Variants in NLRP11 observed in about 807,000 individuals in gnomAD.
NLRP11 encodes NLR family pyrin domain containing 11.
In NLRP11, 53 loss-of-function variants were observed where a neutral mutation model predicts 79.3. The ratio of observed to expected loss-of-function variants is 0.67; its 90% CI spans 0.54 to 0.84. NLRP11 has a LOEUF of 0.84. Among genes scored for constraint, NLRP11 ranks in the 40% least tolerant of loss-of-function variants. The probability of loss-of-function intolerance (pLI) is 0.00; values close to 1 mark genes in which losing one functional copy is unlikely to be tolerated. For missense variants in NLRP11, 1,264 were observed against 1,255.0 expected, an observed-to-expected ratio of 1.01 and a Z score of -0.11; for synonymous variants, 518 against 462.6, an observed-to-expected ratio of 1.12 and a Z score of -1.54.
In NLRP11 at chr19:55,789,133, T is replaced by C. The variant is rs1327571366; in HGVS notation, c.2684+96A>G. ...TCCCATTTCAAACACTAGACTATTATGTCCGAGGTATTGTATTTCCCAATC... is the reference window on the plus strand; with the variant it reads ...TCCCATTTCAAACACTAGACTATTACGTCCGAGGTATTGTATTTCCCAATC... On this transcript the variant is annotated intron_variant, in intron 8 of 9. Coordinates refer to ENST00000589093, the Ensembl canonical transcript of NLRP11. The C allele has an allele frequency of 5.0e-6, 7 of 1,411,356 alleles. No individual in the cohort carries two copies. The African/African-American group carries it at 5.7e-5, about 12-fold the overall frequency. 87.4% of individuals were successfully genotyped at this position (1,411,356 alleles called of 1,614,324 possible). A position where few individuals can be genotyped will look rare whatever the true frequency, so the allele number is the denominator to read the frequency against.
At chr19:55,800,496 TAG>T (rs1979374998) in intron 5 of NLRP11, among the ~76,000 whole-genome samples, 1 of 152,012 alleles carries the variant, frequency 6.6e-6, no homozygotes, top group African/African-American at 2.4e-5. Context: ...TTAGTAGAGG[TAG>T]AGTTTCACTA....
At chr19:55,801,868 C>T (rs903449024) in intron 4 of NLRP11, 129 bp from the exon 5 acceptor site, 2 of 737,974 alleles carry the variant, frequency 2.7e-6, no homozygotes, top group Non-Finnish European at 2.3e-6. Flanking sequence ...ACATGGCTCT[C>T]GATCTTAAAT....
upstream of NLRP11, among the ~76,000 whole-genome samples, chr19:55,835,360 AGC>A (rs1290111742): frequency 1.3e-5 from 2 of 152,264 alleles, no homozygotes; most frequent in African/African-American, 4.8e-5. Flanking sequence ...TAAAAAACTT[AGC>A]GCCTGTTCTG....
At chr19:55,791,020 A>G (rs1210781849) in intron 7 of NLRP11, among the ~76,000 whole-genome samples, 1 of 152,226 alleles carries the variant, frequency 6.6e-6, no homozygotes, top group African/African-American at 2.4e-5. Context: ...GCAAGGTTCA[A>G]ACTATGGTCT....
intron 5 of NLRP11, among the ~76,000 whole-genome samples, chr19:55,796,755 C>T (rs539036622): frequency 9.9e-5 from 15 of 151,374 alleles, no homozygotes; most frequent in Admixed American, 2.0e-4. Context: ...GGTGCGATCT[C>T]GGCTCACTGC....
At chr19:55,796,570 C>T (rs887027968) in intron 5 of NLRP11, among the ~76,000 whole-genome samples, 3 of 152,116 alleles carry the variant, frequency 2.0e-5, no homozygotes, top group East Asian at 1.9e-4. Flanking sequence ...GATGTGGGTA[C>T]GATCACATTT....
upstream of NLRP11, among the ~76,000 whole-genome samples, chr19:55,835,022 G>A (rs28651042): frequency 3.5e-3 from 529 of 152,166 alleles, 3 homozygotes; most frequent in African/African-American, 0.012. Flanking sequence ...TGCTCTTATG[G>A]GTACATGAGT....
chr19:55,810,623 A>G (rs1418894539), intron 2 of NLRP11, among the ~76,000 whole-genome samples: 1 of 152,022 alleles, frequency 6.6e-6, no homozygotes, highest in African/African-American at 2.4e-5. Flanking sequence ...CAGCCTCCCA[A>G]GTAGCTAGGA....
intron 2 of NLRP11, among the ~76,000 whole-genome samples, chr19:55,811,987 A>G (rs1262930270): frequency 6.6e-6 from 1 of 151,838 alleles, no homozygotes; most frequent in Non-Finnish European, 1.5e-5. Flanking sequence ...ACACACACAC[A>G]CACACACACA....
chr19:55,810,201 C>A, exon 3 of NLRP11: 1 of 1,614,110 alleles, frequency 6.2e-7, no homozygotes, highest in Non-Finnish European at 8.5e-7. Context: ...CTGGTAGAAT[C>A]ATAGGCTAAT....
At chr19:55,789,435 C>A in intron 7 of NLRP11, 36 bp from the exon 8 acceptor site, 1 of 1,572,632 alleles carries the variant, frequency 6.4e-7, no homozygotes, top group Non-Finnish European at 8.6e-7. Flanking sequence ...GTCATGACCA[C>A]CTGTCTCCAA....
exon 5 of NLRP11, chr19:55,801,720 C>A (rs780706967): frequency 6.2e-7 from 1 of 1,614,142 alleles, no homozygotes; most frequent in East Asian, 2.2e-5. Flanking sequence ...AAACCAGAAG[C>A]AGTCGAGACA....
intron 4 of NLRP11, 128 bp downstream of exon 4, chr19:55,807,725 G>C: frequency 1.7e-6 from 1 of 594,864 alleles, no homozygotes; most frequent in Non-Finnish European, 2.9e-6. Flanking sequence ...GAGAAGTACA[G>C]AAGGAGCCTA....
At chr19:55,804,450 T>C (rs1470145896) in intron 4 of NLRP11, among the ~76,000 whole-genome samples, 1 of 152,016 alleles carries the variant, frequency 6.6e-6, no homozygotes, top group East Asian at 1.9e-4. Flanking sequence ...TTTTTTTTTT[T>C]TGGCGGGGGC....
At chr19:55,796,138 C>G (rs371690194) in exon 6 of NLRP11, 8 of 1,614,056 alleles carry the variant, frequency 5.0e-6, no homozygotes, top group Non-Finnish European at 6.8e-6. Context: ...ATGTTCATCC[C>G]GTCGCTCCTC....
intron 7 of NLRP11, among the ~76,000 whole-genome samples, chr19:55,791,340 T>C (rs370763092): frequency 4.6e-5 from 7 of 152,306 alleles, no homozygotes; most frequent in East Asian, 1.9e-4. Context: ...AACTGCCTTG[T>C]CAAAGGAAGC....
intron 3 of NLRP11, among the ~76,000 whole-genome samples, 182 bp downstream of exon 3, chr19:55,808,587 T>C (rs1269266446): frequency 1.3e-5 from 2 of 151,840 alleles, no homozygotes; most frequent in East Asian, 3.9e-4. Flanking sequence ...AGTGCTGAGG[T>C]TTAACTCAAA....
chr19:55,834,894 C>T (rs1437129420), upstream of NLRP11, among the ~76,000 whole-genome samples: 1 of 152,090 alleles, frequency 6.6e-6, no homozygotes, highest in Non-Finnish European at 1.5e-5. Flanking sequence ...GAAAACAAAA[C>T]ATATCTCTTA....
At chr19:55,800,286 T>C (rs907074273) in intron 5 of NLRP11, among the ~76,000 whole-genome samples, 5 of 152,266 alleles carry the variant, frequency 3.3e-5, no homozygotes, top group Non-Finnish European at 7.4e-5. Flanking sequence ...TTTTACTACA[T>C]TTACATTGGA....
Sources: gnomAD v4.1 joint callset for allele counts (sites outside exome capture counted in the v4.1 genomes callset) on GRCh38, gnomAD v4.1.1 for gene constraint, MANE v1.5 for transcripts, NCBI Gene and HGNC (gene_info 2026-07-23, HGNC 2026-07-21) for gene names.